SCLT1: variants seen among roughly 807,000 people sequenced by gnomAD.
SCLT1 encodes sodium channel-associated protein 1.
SCLT1 carries 78 observed loss-of-function variants against 112.8 expected under a neutral mutation model. The observed-to-expected ratio is 0.69, with a 90% CI of 0.58 to 0.83. The LOEUF (loss-of-function observed/expected upper bound fraction) is 0.83. SCLT1 is among the 40% of genes least tolerant of loss of function. The probability of loss-of-function intolerance (pLI) is 0.00; values close to 1 mark genes in which losing one functional copy is unlikely to be tolerated. For synonymous variants in SCLT1, 257 were observed against 254.7 expected, an observed-to-expected ratio of 1.01 and a Z score of -0.09; for missense variants, 747 against 770.4, an observed-to-expected ratio of 0.97 and a Z score of 0.36.
chr4:129,029,600 C>T (rs1442121206), intron 5 of SCLT1, among the ~76,000 whole-genome samples: 1 of 151,798 alleles, frequency 6.6e-6, no homozygotes, highest in Admixed American at 6.6e-5. Flanking sequence ...ATGGGTGCAG[C>T]ACACCAGCAT....
chr4:129,024,328 C>T (rs1745804648), intron 5 of SCLT1, among the ~76,000 whole-genome samples: 1 of 152,146 alleles, frequency 6.6e-6, no homozygotes, highest in Non-Finnish European at 1.5e-5. Context: ...CCTCACATGG[C>T]CGGGTACTCC....
At chr4:128,946,287 CAT>C (rs1327624623) in intron 15 of SCLT1, 135 bp from the exon 16 acceptor site, 34 of 460,248 alleles carry the variant, frequency 7.4e-5, no homozygotes, top group African/African-American at 5.0e-4. Context: ...ACATATGAAA[CAT>C]ATCAATAATT....
rs781735051 is a variant in SCLT1, at chr4:128,948,519, C to CT, written c.1269dup (p.Ala424SerfsTer12). On this transcript the variant is annotated frameshift_variant, in exon 15 of 21. Transcript: ENST00000281142. LOFTEE classifies it high-confidence loss of function. ...ACCTTTTCTAGTTCTTCTTCCACTG[C>CT]TTTTTTTTCCTTAATGACTCGTTCA... 5.2e-5 allele frequency: 84 copies of CT among 1,605,390 alleles called. No homozygotes were observed. The highest frequency in any genetic ancestry group is 6.0e-5 in the Non-Finnish European group (70 of 1,174,288).
chr4:129,028,703 T>C (rs1233141778), intron 5 of SCLT1, among the ~76,000 whole-genome samples: 4 of 152,142 alleles, frequency 2.6e-5, no homozygotes, highest in Non-Finnish European at 4.4e-5. Context: ...AAAGAGCTTC[T>C]GCACAGCAAA....
intron 1 of SCLT1, among the ~76,000 whole-genome samples, chr4:129,089,684 T>C (rs112826077): frequency 0.014 from 2,193 of 152,212 alleles, 49 homozygotes; most frequent in African/African-American, 0.044. Context: ...TATGCAGCCA[T>C]AGAAAAATAT....
At chr4:129,029,338 T>C (rs1259850796) in intron 5 of SCLT1, among the ~76,000 whole-genome samples, 1 of 152,070 alleles carries the variant, frequency 6.6e-6, no homozygotes, top group Admixed American at 6.6e-5. Flanking sequence ...CATGGAATAC[T>C]ATGCAGCCAT....
At chr4:128,998,268 G>A (rs1377079792) in intron 7 of SCLT1, among the ~76,000 whole-genome samples, 1 of 151,834 alleles carries the variant, frequency 6.6e-6, no homozygotes, top group African/African-American at 2.4e-5. Context: ...CTAAATGCTA[G>A]AGAGACCTTG....
chr4:129,047,364 T>C (rs879565503), intron 2 of SCLT1, among the ~76,000 whole-genome samples: 8 of 152,072 alleles, frequency 5.3e-5, no homozygotes, highest in Admixed American at 5.2e-4. Flanking sequence ...TTCCAAACTT[T>C]ATTCTGTTTA....
Position 129,093,461 on chromosome 4 carries a change from G to T in SCLT1, c.-358C>A. On this transcript the variant is annotated 5_prime_UTR_variant, in exon 1 of 21. Coordinates refer to ENST00000281142, the MANE Select transcript of SCLT1 (RefSeq NM_144643.4). ...GGGAGCTTGACGGCAGCCTGAGAGC[G>T]GCGTTCTACGCGGAGCGGCGGGGGT... The T allele has an allele frequency of 3.8e-6, 1 of 262,200 alleles. No individual in the cohort carries two copies. Among genetic ancestry groups the T allele is most frequent in the Non-Finnish European group, 7.3e-6 (1 of 136,788 alleles). 16.2% of individuals were successfully genotyped at this position (262,200 alleles called of 1,614,324 possible).
chr4:129,033,502 T>TAA (rs56325033), intron 5 of SCLT1, among the ~76,000 whole-genome samples: 527 of 44,312 alleles, frequency 0.012, 9 homozygotes, highest in Middle Eastern at 0.026. Flanking sequence ...GAACTTAAAG[T>TAA]AAAAAAAAAA....
intron 2 of SCLT1, among the ~76,000 whole-genome samples, chr4:129,047,012 A>G (rs1272283932): frequency 6.6e-6 from 1 of 152,120 alleles, no homozygotes; most frequent in Non-Finnish European, 1.5e-5. Flanking sequence ...TAATTTGAAG[A>G]CATTCTTCAT....
At chr4:128,991,887 T>C (rs983749970) in intron 9 of SCLT1, among the ~76,000 whole-genome samples, 4 of 151,880 alleles carry the variant, frequency 2.6e-5, no homozygotes, top group Non-Finnish European at 5.9e-5. Flanking sequence ...TTAAAATATA[T>C]GGGAAGATGT....
At chr4:128,891,198 AT>A in intron 18 of SCLT1, 61 bp from the exon 19 acceptor site, 1 of 1,239,576 alleles carries the variant, frequency 8.1e-7, no homozygotes, top group African/African-American at 1.5e-5. Context: ...CAGAATCTTT[AT>A]TAGCAAGATA....
chr4:128,920,964 G>C (rs1418970569), intron 18 of SCLT1, among the ~76,000 whole-genome samples: 3 of 152,122 alleles, frequency 2.0e-5, no homozygotes, highest in Non-Finnish European at 4.4e-5. Context: ...GCAGTTTCAG[G>C]ATACAAAATT....
intron 5 of SCLT1, among the ~76,000 whole-genome samples, chr4:129,027,336 C>T (rs1268667561): frequency 6.6e-6 from 1 of 152,138 alleles, no homozygotes; most frequent in African/African-American, 2.4e-5. Flanking sequence ...AGCAGCACAT[C>T]AAAAAGCTTA....
chr4:128,932,788 T>A (rs1447620614), intron 18 of SCLT1, among the ~76,000 whole-genome samples: 2 of 152,146 alleles, frequency 1.3e-5, no homozygotes, highest in African/African-American at 4.8e-5. Flanking sequence ...ATCAGTAGCA[T>A]TTTCCATACA....
chr4:128,973,724 T>C (rs776573159), intron 9 of SCLT1, among the ~76,000 whole-genome samples: 3 of 152,126 alleles, frequency 2.0e-5, no homozygotes, highest in Non-Finnish European at 4.4e-5. Context: ...AAATAGGCAC[T>C]GGACTTAGAC....
intron 1 of SCLT1, among the ~76,000 whole-genome samples, chr4:129,089,289 A>G (rs1752641135): frequency 6.6e-6 from 1 of 152,238 alleles, no homozygotes; most frequent in East Asian, 1.9e-4. Context: ...GAGAAATGCA[A>G]ATCAAAACCA....
chr4:129,067,703 G>C (rs2125745459), intron 2 of SCLT1, among the ~76,000 whole-genome samples: 1 of 152,072 alleles, frequency 6.6e-6, no homozygotes, highest in South Asian at 2.1e-4. Flanking sequence ...GTAGAGATGG[G>C]GTTTCACCAT....
Sources: allele counts gnomAD v4.1 joint callset (sites outside exome capture counted in the v4.1 genomes callset), GRCh38; gene constraint gnomAD v4.1.1; transcripts MANE v1.5; gene names NCBI Gene and HGNC (gene_info 2026-07-23, HGNC 2026-07-21).